Variants in ST13 observed in about 807,000 individuals in gnomAD.
ST13 encodes the protein hsc70-interacting protein.
A neutral mutation model predicts 56.7 loss-of-function variants in ST13; 23 were observed. The observed-to-expected ratio is 0.41, with a 90% CI of 0.29 to 0.57. The LOEUF (loss-of-function observed/expected upper bound fraction) is 0.57, where lower values mean the gene tolerates loss of function less well. Among genes scored for constraint, ST13 ranks in the 20% least tolerant of loss-of-function variants. The pLI, the probability that ST13 is intolerant of heterozygous loss-of-function variation, is 0.36. For synonymous variants in ST13, 132 were observed against 142.4 expected (o/e 0.93, Z 0.52); for missense variants, 369 against 459.9 (o/e 0.80, Z 1.81).
intron 4 of ST13, among the ~76,000 whole-genome samples, chr22:40,841,203 G>GAA (rs1187227386): frequency 2.9e-3 from 263 of 90,496 alleles, no homozygotes; most frequent in Middle Eastern, 0.024. Flanking sequence ...CCAAAAAAAA[G>GAA]AAAAAAAAAA....
At chr22:40,849,159 T>C (rs1364702435) in intron 2 of ST13, among the ~76,000 whole-genome samples, 6 of 152,114 alleles carry the variant, frequency 3.9e-5, no homozygotes, top group Non-Finnish European at 8.8e-5. Flanking sequence ...TAACCATTTT[T>C]AGGTTGCTTC....
intron 1 of ST13, chr22:40,854,577 C>G (rs973464958): frequency 1.3e-5 from 2 of 152,184 alleles, no homozygotes; most frequent in Admixed American, 6.5e-5. Context: ...ATCACTCCAG[C>G]ACAAGTCAGG....
chr22:40,856,319 AAAG>A, intron 1 of ST13, 109 bp downstream of exon 1: 2 of 920,934 alleles, frequency 2.2e-6, no homozygotes, highest in East Asian at 2.4e-5. Flanking sequence ...TTTCCCGGGC[AAAG>A]AAGGGGCAGC....
rs2057740878 is a variant in ST13, at chr22:40,828,810, A to G, written c.847+816T>C. On this transcript the variant is annotated intron_variant, in intron 10 of 11. Coordinates refer to ENST00000216218, the MANE Select transcript of ST13 (RefSeq NM_003932.5). The stretch of plus-strand genomic sequence containing the variant: ...CTAAGGGGACCATAAAACAACTTCT[A>G]GTTTCTCTTGCTGCCCCTACTTATC... 1.3e-5 allele frequency among the ~76,000 whole-genome samples: 2 copies of G among 152,162 alleles called. 1 individual carries two copies. The highest frequency in any genetic ancestry group is 4.1e-4 in the South Asian group (2 of 4,832).
intron 4 of ST13, among the ~76,000 whole-genome samples, chr22:40,841,507 A>C (rs368380805): frequency 1.4e-4 from 22 of 152,198 alleles, no homozygotes; most frequent in African/African-American, 5.3e-4. Flanking sequence ...AGGCTGAGGC[A>C]GGTAGATCCC....
At chr22:40,840,304 TA>T (rs1190351946) in intron 5 of ST13, among the ~76,000 whole-genome samples, 1 of 151,936 alleles carries the variant, frequency 6.6e-6, no homozygotes, top group Non-Finnish European at 1.5e-5. Context: ...TATTAGTATG[TA>T]AAAAGTTAAG....
chr22:40,834,516 T>G (rs1378614018), intron 7 of ST13, among the ~76,000 whole-genome samples: 1 of 152,222 alleles, frequency 6.6e-6, no homozygotes, highest in Non-Finnish European at 1.5e-5. Flanking sequence ...AATATCAGTA[T>G]AAACTCACAA....
At chr22:40,846,953 C>G (rs2057834745) in intron 3 of ST13, among the ~76,000 whole-genome samples, 1 of 152,022 alleles carries the variant, frequency 6.6e-6, no homozygotes, top group African/African-American at 2.4e-5. Context: ...CGAAACTGTG[C>G]CACCACACTC....
At chr22:40,856,008 T>C (rs2057891641) in intron 1 of ST13, among the ~76,000 whole-genome samples, 1 of 151,744 alleles carries the variant, frequency 6.6e-6, no homozygotes, top group African/African-American at 2.4e-5. Flanking sequence ...CTTACTAGTG[T>C]TATATTATTA....
At chr22:40,832,066 G>A (rs1276877620) in intron 8 of ST13, 6 of 389,414 alleles carry the variant, frequency 1.5e-5, no homozygotes, top group African/African-American at 1.1e-4. Flanking sequence ...ACGTTGGCCA[G>A]GCTGGTCTTG....
At chr22:40,831,345 CAG>C (rs2057753067) in intron 8 of ST13, among the ~76,000 whole-genome samples, 1 of 152,124 alleles carries the variant, frequency 6.6e-6, no homozygotes, top group East Asian at 1.9e-4. Context: ...CGTGGGAAGG[CAG>C]AGACTGGGAA....
chr22:40,844,745 G>GCT, intron 4 of ST13, 94 bp downstream of exon 4: 1 of 1,054,826 alleles, frequency 9.5e-7, no homozygotes, highest in Non-Finnish European at 1.4e-6. Flanking sequence ...TTTACTATGC[G>GCT]CTTTTCCTGG....
chr22:40,827,001 A>G, intron 11 of ST13, 95 bp downstream of exon 11: 1 of 1,369,820 alleles, frequency 7.3e-7, no homozygotes, highest in Non-Finnish European at 9.9e-7. Flanking sequence ...GTGATAAATA[A>G]AAAATAGCTA....
intron 7 of ST13, among the ~76,000 whole-genome samples, chr22:40,834,728 T>G (rs992772106): frequency 6.6e-6 from 1 of 152,238 alleles, no homozygotes; most frequent in African/African-American, 2.4e-5. Flanking sequence ...AACGCTGTCT[T>G]GTATTAGAAG....
At chr22:40,855,890 T>G (rs906256758) in intron 1 of ST13, among the ~76,000 whole-genome samples, 5 of 145,308 alleles carry the variant, frequency 3.4e-5, no homozygotes, top group Admixed American at 6.7e-5. Context: ...GGAGGTATAA[T>G]AAGTGATTCT....
At chr22:40,827,284 A>G in intron 10 of ST13, 55 bp from the exon 11 acceptor site, 2 of 1,585,208 alleles carry the variant, frequency 1.3e-6, no homozygotes, top group African/African-American at 1.3e-5. Flanking sequence ...CTGACACAGT[A>G]TTTCATCCAC....
At chr22:40,836,657 T>C (rs2057779034) in intron 5 of ST13, among the ~76,000 whole-genome samples, 1 of 152,150 alleles carries the variant, frequency 6.6e-6, no homozygotes, top group South Asian at 2.1e-4. Context: ...AAAGAAATGG[T>C]ACAAAAATTC....
chr22:40,835,941 A>G, intron 5 of ST13, 54 bp from the exon 6 acceptor site: 3 of 1,382,362 alleles, frequency 2.2e-6, no homozygotes, highest in African/African-American at 1.5e-5. Flanking sequence ...AATATTAATA[A>G]AAAGTTTTGA....
At chr22:40,830,729 G>C (rs1197303621) in intron 9 of ST13, 111 bp downstream of exon 9, 2 of 642,770 alleles carry the variant, frequency 3.1e-6, no homozygotes, top group Admixed American at 2.6e-5. Flanking sequence ...TTACTCTATA[G>C]AACTGTAGCC....
Sources: gnomAD v4.1 joint callset for allele counts (sites outside exome capture counted in the v4.1 genomes callset) on GRCh38, gnomAD v4.1.1 for gene constraint, MANE v1.5 for transcripts, NCBI Gene and HGNC (gene_info 2026-07-23, HGNC 2026-07-21) for gene names.